The following THSD4 variants were observed in gnomAD, a reference collection of about 807,000 sequenced individuals.
THSD4 encodes the protein thrombospondin type-1 domain-containing protein 4.
In THSD4, 69 loss-of-function variants were observed where a neutral mutation model predicts 119.0. The ratio of observed to expected loss-of-function variants is 0.58; its 90% CI spans 0.48 to 0.71. The LOEUF (loss-of-function observed/expected upper bound fraction) is 0.71, where lower values mean the gene tolerates loss of function less well. Among genes scored for constraint, THSD4 ranks in the 30% least tolerant of loss-of-function variants. The pLI is 0.00. For synonymous variants in THSD4, 524 were observed against 540.4 expected (o/e 0.97, Z 0.42); for missense variants, 1,393 against 1,391.1 (o/e 1.00, Z -0.02).
At chr15:71,483,745 C>T (rs1034798354) in intron 7 of THSD4, among the ~76,000 whole-genome samples, 3 of 150,200 alleles carry the variant, frequency 2.0e-5, no homozygotes, top group Admixed American at 6.6e-5. Flanking sequence ...ATGCTCTCCC[C>T]GACCCCACCC....
intron 7 of THSD4, among the ~76,000 whole-genome samples, chr15:71,621,807 A>C (rs1012388194): frequency 2.6e-5 from 4 of 152,242 alleles, no homozygotes; most frequent in Non-Finnish European, 5.9e-5. Flanking sequence ...TTCCATGTTA[A>C]GTCTCAGTAA....
intron 3 of THSD4, among the ~76,000 whole-genome samples, chr15:71,209,141 CTG>C (rs1034944596): frequency 6.6e-6 from 1 of 152,204 alleles, no homozygotes; most frequent in African/African-American, 2.4e-5. Context: ...TGGGTTGGAC[CTG>C]TGTCTTACAC....
chr15:71,232,547 G>A (rs113076210), intron 4 of THSD4, among the ~76,000 whole-genome samples: 3 of 152,132 alleles, frequency 2.0e-5, no homozygotes, highest in African/African-American at 7.2e-5. Context: ...GGGCGCTGGT[G>A]TTTATGTTGG....
At chr15:71,192,769 T>C (rs1380958281) in intron 3 of THSD4, among the ~76,000 whole-genome samples, 1 of 152,182 alleles carries the variant, frequency 6.6e-6, no homozygotes, top group Non-Finnish European at 1.5e-5. Flanking sequence ...TTCATACTCT[T>C]GTCCATGACA....
chr15:71,253,167 C>T (rs1323247172), intron 5 of THSD4, among the ~76,000 whole-genome samples: 2 of 152,150 alleles, frequency 1.3e-5, no homozygotes, highest in Non-Finnish European at 2.9e-5. Flanking sequence ...GCTCTAATGC[C>T]ATGTTAAGCT....
intron 6 of THSD4, among the ~76,000 whole-genome samples, chr15:71,406,094 T>A (rs144235078): frequency 6.6e-6 from 1 of 152,086 alleles, no homozygotes; most frequent in African/African-American, 2.4e-5. Flanking sequence ...CCTCAAAGTA[T>A]TTTCTAATTT....
chr15:71,737,052 A>C (rs544072199), intron 10 of THSD4, among the ~76,000 whole-genome samples: 60 of 152,368 alleles, frequency 3.9e-4, no homozygotes, highest in African/African-American at 1.4e-3. Context: ...CAAAACTCAC[A>C]TAGTATTCCA....
intron 6 of THSD4, among the ~76,000 whole-genome samples, chr15:71,306,306 TCAAAAAAA>T (rs1567189077): frequency 3.2e-5 from 1 of 30,856 alleles, no homozygotes; most frequent in African/African-American, 1.6e-4. Context: ...GACTCTTGCC[TCAAAAAAA>T]AAAAAAAAAA....
At chr15:71,658,557 T>C (rs16955995) in intron 7 of THSD4, among the ~76,000 whole-genome samples, 16,593 of 152,212 alleles carry the variant, frequency 0.11, 964 homozygotes, top group East Asian at 0.2. Flanking sequence ...CTTGATAACA[T>C]GGGTTCTACT....
At chr15:71,424,799 T>TG (rs1336932297) in intron 7 of THSD4, among the ~76,000 whole-genome samples, 1 of 152,182 alleles carries the variant, frequency 6.6e-6, no homozygotes, top group Admixed American at 6.5e-5. Context: ...TTTTATAGTT[T>TG]GGGGGTGTAT....
intron 3 of THSD4, among the ~76,000 whole-genome samples, chr15:71,164,162 A>G (rs1299278330): frequency 2.0e-5 from 3 of 150,698 alleles, no homozygotes; most frequent in Admixed American, 6.6e-5. Flanking sequence ...TATGATATGC[A>G]GGGTGGGTAG....
At chr15:71,182,210 T>C (rs1254490470) in intron 3 of THSD4, among the ~76,000 whole-genome samples, 2 of 151,818 alleles carry the variant, frequency 1.3e-5, no homozygotes, top group African/African-American at 4.8e-5. Context: ...ATATTTCTTT[T>C]GTTCTAGAGT....
At chr15:71,751,410 A>G (rs1345888712) in intron 14 of THSD4, among the ~76,000 whole-genome samples, 1 of 152,182 alleles carries the variant, frequency 6.6e-6, no homozygotes, top group Non-Finnish European at 1.5e-5. Flanking sequence ...AAAATTTGAG[A>G]TTAAGCTATA....
chr15:71,586,198 T>A (rs1228795820), intron 7 of THSD4, among the ~76,000 whole-genome samples: 1 of 152,202 alleles, frequency 6.6e-6, no homozygotes, highest in Non-Finnish European at 1.5e-5. Context: ...CTTTTCCATC[T>A]GGTTCTGGCA....
intron 7 of THSD4, among the ~76,000 whole-genome samples, chr15:71,432,490 T>C (rs2140535499): frequency 6.7e-6 from 1 of 150,268 alleles, no homozygotes; most frequent in East Asian, 2.0e-4. Flanking sequence ...AAAAACAGCA[T>C]GAAGCATATA....
intron 8 of THSD4, among the ~76,000 whole-genome samples, chr15:71,702,717 T>C (rs1334625023): frequency 1.3e-5 from 2 of 152,184 alleles, no homozygotes; most frequent in African/African-American, 4.8e-5. Context: ...CAGTTCTTTC[T>C]TTCTGCAATG....
chr15:71,465,691 G>A (rs976675617), intron 7 of THSD4, among the ~76,000 whole-genome samples: 9 of 152,200 alleles, frequency 5.9e-5, no homozygotes, highest in Admixed American at 4.6e-4. Flanking sequence ...CATCTCCCCT[G>A]TTGGGAAAGG....
At chr15:71,748,636 C>A (rs1035517132) in intron 14 of THSD4, 42 bp downstream of exon 14, 11 of 1,601,648 alleles carry the variant, frequency 6.9e-6, no homozygotes, top group Non-Finnish European at 8.5e-6. Context: ...CCGAGGTCTG[C>A]CAGGTGCCTC....
In THSD4 at chr15:71,749,886, G is replaced by A. The variant is rs961786128; in HGVS notation, c.2415+1292G>A. On this transcript the variant is annotated intron_variant, in intron 14 of 17. Transcript: ENST00000261862. ...AACGTAGGTGGGACTATAGGTGCGC[G>A]CCACCACCCCGGCTAATTTTTTGTA... 2.6e-5 allele frequency among the ~76,000 whole-genome samples: 4 copies of A among 151,718 alleles called. No individual in the cohort carries two copies. The East Asian group carries it at 5.8e-4, about 22-fold the overall frequency.
Sources: allele counts gnomAD v4.1 joint callset (sites outside exome capture counted in the v4.1 genomes callset), GRCh38; gene constraint gnomAD v4.1.1; transcripts MANE v1.5; gene names NCBI Gene and HGNC (gene_info 2026-07-23, HGNC 2026-07-21).